Variants in RTN4 observed in about 807,000 individuals in gnomAD.
RTN4 encodes reticulon-4.
Under a neutral mutation model 90.4 loss-of-function variants are expected in RTN4, and 32 were observed. The observed-to-expected ratio is 0.35, with a 90% CI of 0.27 to 0.48. The LOEUF (loss-of-function observed/expected upper bound fraction) is 0.48, where lower values mean the gene tolerates loss of function less well. Among genes scored for constraint, RTN4 ranks in the 20% least tolerant of loss-of-function variants. RTN4 has a pLI of 0.99. For missense variants in RTN4, 1,706 were observed against 1,430.2 expected, an observed-to-expected ratio of 1.19 and a Z score of -3.11; for synonymous variants, 629 against 552.5, an observed-to-expected ratio of 1.14 and a Z score of -1.94.
In RTN4 at chr2:55,049,741, T is replaced by C; in HGVS notation, c.556+4A>G. 1 of 1,371,824 alleles carries C rather than the reference T, an allele frequency of 7.3e-7. No homozygotes were observed. The highest frequency in any genetic ancestry group is 9.4e-7 in the Non-Finnish European group (1 of 1,058,530). 85.0% of individuals were successfully genotyped at this position (1,371,824 alleles called of 1,614,324 possible). On this transcript the variant is annotated splice_donor_region_variant and intron_variant, in intron 1 of 8. Coordinates refer to ENST00000337526, the MANE Select transcript of RTN4 (RefSeq NM_020532.5). ...GGCGCGAAGCGAGAGGTCGCGGCACTCACCCACTGAGCCCGAGGAGCCCCT... is the reference window on the plus strand; with the variant it reads ...GGCGCGAAGCGAGAGGTCGCGGCACCCACCCACTGAGCCCGAGGAGCCCCT...
chr2:54,978,008 T>C (rs929004519), intron 5 of RTN4, among the ~76,000 whole-genome samples: 4 of 152,210 alleles, frequency 2.6e-5, no homozygotes, highest in African/African-American at 4.8e-5. Flanking sequence ...TTTGATCACA[T>C]TTTGAAAGGC....
the RTN4 span, among the ~76,000 whole-genome samples, chr2:55,125,962 G>A: frequency 6.6e-6 from 1 of 151,668 alleles, no homozygotes; most frequent in African/African-American, 2.4e-5. Flanking sequence ...TTGGGAGGCC[G>A]AGGCGGGAGA....
intron 1 of RTN4, among the ~76,000 whole-genome samples, chr2:55,099,155 C>T (rs1315954096): frequency 6.6e-6 from 1 of 152,022 alleles, no homozygotes; most frequent in Non-Finnish European, 1.5e-5. Context: ...ACCTCATGCA[C>T]TATTTAGTTA....
At chr2:55,094,827 A>G (rs1015968902) in intron 1 of RTN4, among the ~76,000 whole-genome samples, 3 of 152,210 alleles carry the variant, frequency 2.0e-5, no homozygotes, top group Non-Finnish European at 1.5e-5. Flanking sequence ...CAAAGAATGA[A>G]GTGGACTTGA....
chr2:55,074,742 G>C (rs1668572768), intron 2 of RTN4, among the ~76,000 whole-genome samples: 3 of 152,068 alleles, frequency 2.0e-5, no homozygotes, highest in African/African-American at 7.2e-5. Flanking sequence ...GATCAAATGG[G>C]TTTCATAACA....
chr2:55,052,545 G>T (rs2920899), upstream of RTN4, among the ~76,000 whole-genome samples: 122,550 of 152,108 alleles, frequency 0.81, 49,442 homozygotes, highest in African/African-American at 0.85. Flanking sequence ...TGAGTTTGGT[G>T]TTATTTTTTG....
At chr2:55,131,463 C>T in the RTN4 span, among the ~76,000 whole-genome samples, 1 of 152,156 alleles carries the variant, frequency 6.6e-6, no homozygotes, top group Admixed American at 6.5e-5. Context: ...CCTCCTGGGC[C>T]TCCCAAAGTT....
chr2:54,994,363 T>C (rs1679252876), intron 3 of RTN4, among the ~76,000 whole-genome samples: 1 of 152,094 alleles, frequency 6.6e-6, no homozygotes, highest in Non-Finnish European at 1.5e-5. Context: ...GAGCAACATA[T>C]AAAAAAGATT....
chr2:55,065,804 GGT>G, intron 2 of RTN4, among the ~76,000 whole-genome samples: 1 of 152,272 alleles, frequency 6.6e-6, no homozygotes, highest in South Asian at 2.1e-4. Flanking sequence ...TTAGAACAAT[GGT>G]TACTGGGTTA....
In RTN4 at chr2:54,972,779, C is replaced by A. The variant is rs1677190463; in HGVS notation, c.*377G>T. The stretch of plus-strand genomic sequence containing the variant: ...CAATCTACACGGACCATACACAGTG[C>A]ACAAACTGAAAAGGGCTTTTTTTTT... On this transcript the variant is annotated 3_prime_UTR_variant, in exon 9 of 9. Transcript: ENST00000337526. 1 of 175,286 alleles carries A rather than the reference C, an allele frequency of 5.7e-6. No individual in the cohort carries two copies. The highest frequency in any genetic ancestry group is 1.7e-4 in the South Asian group (1 of 5,728). 10.9% of individuals were successfully genotyped at this position (175,286 alleles called of 1,614,324 possible). A position where few individuals can be genotyped will look rare whatever the true frequency, so the allele number is the denominator to read the frequency against.
intron 1 of RTN4, among the ~76,000 whole-genome samples, chr2:55,085,530 C>T (rs750903589): frequency 1.3e-5 from 2 of 152,138 alleles, no homozygotes; most frequent in African/African-American, 2.4e-5. Context: ...TTGTGTGATG[C>T]CCACCCTCAT....
intron 5 of RTN4, among the ~76,000 whole-genome samples, chr2:54,980,334 C>T (rs1678017059): frequency 6.7e-6 from 1 of 148,982 alleles, no homozygotes; most frequent in East Asian, 2.0e-4. Context: ...TTTTCTCTCT[C>T]CTCTTGCCCC....
intron 1 of RTN4, among the ~76,000 whole-genome samples, chr2:55,087,984 T>A (rs1229955200): frequency 6.6e-6 from 1 of 152,246 alleles, no homozygotes; most frequent in Non-Finnish European, 1.5e-5. Flanking sequence ...CCCTTCTCTA[T>A]TCACATAGAG....
rs186556285 is a variant in RTN4 at position 54,973,211 on chromosome 2, A to T, written c.3537-13T>A. ...TTTTGCTTGGATTCTGAAAATGAAAAAGTCAATGTAAATATCAGTTTTGTT... is the reference window on the plus strand; with the variant it reads ...TTTTGCTTGGATTCTGAAAATGAAATAGTCAATGTAAATATCAGTTTTGTT... On this transcript the variant is annotated splice_polypyrimidine_tract_variant and intron_variant, in intron 8 of 8. Transcript: ENST00000337526. 9 of 1,598,544 alleles carry T rather than the reference A, an allele frequency of 5.6e-6. No individual in the cohort carries two copies. In the Admixed American group the frequency reaches 1.5e-4, roughly 27 times the overall value.
At chr2:54,979,608 G>T (rs542056031) in intron 5 of RTN4, among the ~76,000 whole-genome samples, 6 of 152,168 alleles carry the variant, frequency 3.9e-5, no homozygotes. Flanking sequence ...TTAGGAAAGG[G>T]TTTAGCTAAA....
At chr2:54,999,236 A>T (rs1211692226) in intron 3 of RTN4, among the ~76,000 whole-genome samples, 1 of 152,244 alleles carries the variant, frequency 6.6e-6, no homozygotes, top group Non-Finnish European at 1.5e-5. Context: ...CAGTACACTT[A>T]AATCTTTTCT....
chr2:55,055,343 T>C (rs1668169414), upstream of RTN4, among the ~76,000 whole-genome samples: 1 of 152,056 alleles, frequency 6.6e-6, no homozygotes, highest in East Asian at 1.9e-4. Context: ...TAACAACTCA[T>C]TCTAATATAT....
intron 3 of RTN4, among the ~76,000 whole-genome samples, chr2:55,020,142 C>A (rs1387014491): frequency 1.3e-5 from 2 of 152,074 alleles, no homozygotes; most frequent in Non-Finnish European, 2.9e-5. Flanking sequence ...AAGCAGTCTA[C>A]AGATTCAATG....
intron 3 of RTN4, chr2:55,010,125 T>C: frequency 2.5e-6 from 4 of 1,613,522 alleles, no homozygotes; most frequent in Non-Finnish European, 3.4e-6. Flanking sequence ...GTCCATCTCT[T>C]GTCACGATCT....
Sources: gnomAD v4.1 joint callset for allele counts (sites outside exome capture counted in the v4.1 genomes callset) on GRCh38, gnomAD v4.1.1 for gene constraint, MANE v1.5 for transcripts, NCBI Gene and HGNC (gene_info 2026-07-23, HGNC 2026-07-21) for gene names.